ZNF695: variants seen among roughly 807,000 people sequenced by gnomAD.
ZNF695 encodes the protein zinc finger protein 695.
Under a neutral mutation model 11.2 loss-of-function variants are expected in ZNF695, and 11 were observed. That is an observed-to-expected ratio of 0.98 (90% CI 0.62 to 1.62). The LOEUF is 1.62. Ranked by LOEUF, ZNF695 falls within the 40% of genes most tolerant of loss-of-function variation. The pLI is 0.00. For missense variants in ZNF695, 559 were observed against 590.5 expected (o/e 0.95, Z 0.55); for synonymous variants, 190 against 201.4 (o/e 0.94, Z 0.48).
chr1:247,007,368 C>T (rs1004008581), intron 1 of ZNF695, among the ~76,000 whole-genome samples: 36 of 151,716 alleles, frequency 2.4e-4, no homozygotes, highest in Non-Finnish European at 2.7e-4. Context: ...TGGTGGTGGG[C>T]GCCTGTAATT....
chr1:246,965,822 T>G (rs1215661391), intron 5 of ZNF695, among the ~76,000 whole-genome samples: 4 of 152,086 alleles, frequency 2.6e-5, no homozygotes, highest in Non-Finnish European at 5.9e-5. Context: ...AGGAGCAGCC[T>G]CTCAACCTTG....
intron 1 of ZNF695, among the ~76,000 whole-genome samples, chr1:247,000,971 T>C (rs568996332): frequency 2.5e-4 from 38 of 152,244 alleles, no homozygotes; most frequent in African/African-American, 8.9e-4. Flanking sequence ...GGCATGAGAA[T>C]TGCTTGAGCC....
intron 3 of ZNF695, among the ~76,000 whole-genome samples, chr1:246,991,382 G>A (rs564062085): frequency 1.2e-4 from 18 of 152,082 alleles, no homozygotes; most frequent in Non-Finnish European, 2.6e-4. Flanking sequence ...CATTTGACAA[G>A]AGATTAACAA....
At chr1:246,966,859 G>C (rs1314871979) in intron 5 of ZNF695, 1 of 456,636 alleles carries the variant, frequency 2.2e-6, no homozygotes, top group Non-Finnish European at 4.4e-6. Flanking sequence ...CTCTAAGTGA[G>C]ATAGTGAGAT....
intron 5 of ZNF695, among the ~76,000 whole-genome samples, chr1:246,959,965 AT>A (rs1238690719): frequency 6.6e-6 from 1 of 152,190 alleles, no homozygotes; most frequent in Admixed American, 6.5e-5. Context: ...ATGGTTATGT[AT>A]TTTGGTAAGC....
In ZNF695 at chr1:246,987,166, T is replaced by G; in HGVS notation, c.1349A>C (p.Tyr450Ser). 1 of 1,613,878 alleles carries G rather than the reference T, an allele frequency of 6.2e-7. No homozygotes were observed. The highest frequency in any genetic ancestry group is 8.5e-7 in the Non-Finnish European group (1 of 1,179,930). The change falls in exon 4 of 4, where the codon TAT becomes TCT. Residue 450 changes from tyrosine to serine, a missense_variant. Physicochemically the swap from Tyr to Ser is moderately radical, Grantham distance 144. Transcript: ENST00000339986. The part of the protein sequence containing the change: ...ECGKAFNWFS[Y>S]LTNHKRIHTG... ...ATGAATTCTCTTATGATTAGTAAGA[T>G]ATGAAAACCAGTTAAAAGCTTTGCC...
intron 5 of ZNF695, among the ~76,000 whole-genome samples, chr1:246,964,954 T>G (rs1275150441): frequency 6.6e-6 from 1 of 152,086 alleles, no homozygotes; most frequent in Non-Finnish European, 1.5e-5. Context: ...TGGGGGAACT[T>G]TATGGGGTGA....
chr1:246,985,465 T>C lies in ZNF695; in HGVS notation c.*1502A>G. 4.1e-6 allele frequency: 4 copies of C among 985,344 alleles called. 1 individual carries two copies. The Middle Eastern group carries it at 1.6e-3, about 386-fold the overall frequency. The allele number at this position is 985,344 out of a possible 1,614,324, so 61.0% of individuals were successfully genotyped here. Reference sequence around the variant, plus strand: ...AGTTTAATGCCACTGGGAGAAGGGATCATTAGAGATACTATTCCACCATGT... The same window carrying C: ...AGTTTAATGCCACTGGGAGAAGGGACCATTAGAGATACTATTCCACCATGT... On this transcript the variant is annotated 3_prime_UTR_variant, in exon 4 of 4. Transcript: ENST00000339986.
chr1:246,975,939 CTT>C (rs1362756729), intron 4 of ZNF695, among the ~76,000 whole-genome samples: 1 of 152,080 alleles, frequency 6.6e-6, no homozygotes, highest in Non-Finnish European at 1.5e-5. Context: ...AAGAGAATAA[CTT>C]ATTCTATTAG....
At chr1:246,995,813 C>CA (rs60375785) in intron 3 of ZNF695, among the ~76,000 whole-genome samples, 2,207 of 66,480 alleles carry the variant, frequency 0.033, 85 homozygotes, top group Non-Finnish European at 0.039. Context: ...GACTCTGTCT[C>CA]AAAAAAAAAA....
chr1:246,964,153 G>C (rs1291644556), intron 5 of ZNF695, among the ~76,000 whole-genome samples: 1 of 152,132 alleles, frequency 6.6e-6, no homozygotes, highest in Non-Finnish European at 1.5e-5. Flanking sequence ...ACCTCCGCGT[G>C]TTCAGCAGCC....
intron 5 of ZNF695, among the ~76,000 whole-genome samples, chr1:246,965,547 G>C (rs930963429): frequency 4.0e-5 from 6 of 151,896 alleles, no homozygotes; most frequent in African/African-American, 1.5e-4. Context: ...GACCAGCCTG[G>C]CCAACACGGC....
chr1:246,956,650 G>A (rs766560694), intron 5 of ZNF695, among the ~76,000 whole-genome samples: 1 of 152,032 alleles, frequency 6.6e-6, no homozygotes, highest in African/African-American at 2.4e-5. Flanking sequence ...ATAATTGGGG[G>A]TATGTTAATA....
At position 246,987,671 on chromosome 1, in the gene ZNF695, C is replaced by T. The variant is rs2103023156; in HGVS notation, c.844G>A (p.Val282Ile). 6.3e-7 allele frequency: 1 copy of T among 1,597,196 alleles called. No individual in the cohort carries two copies. The highest frequency in any genetic ancestry group is 8.5e-7 in the Non-Finnish European group (1 of 1,173,950). The change falls in exon 4 of 4, where the codon GTT (valine) becomes ATT (isoleucine). Residue 282 changes from valine (V) to isoleucine (I), a missense_variant. Physicochemically the swap from Val to Ile is conservative, Grantham distance 29. Transcript: ENST00000339986. ...ECGKAFNLCS[V>I]LTKHKKIHTG... ...TGAATTTTCTTATGTTTAGTAAGAA[C>T]TGAGCACAGGTTAAAAGCTTTGCCA...
chr1:246,983,073 G>A (rs1347520615), downstream of ZNF695, among the ~76,000 whole-genome samples: 5 of 151,902 alleles, frequency 3.3e-5, no homozygotes, highest in South Asian at 4.2e-4. Context: ...GTGTGGTGGC[G>A]GGCGCCTGCA....
intron 5 of ZNF695, among the ~76,000 whole-genome samples, chr1:246,958,880 G>C (rs749231666): frequency 1.3e-5 from 2 of 152,132 alleles, no homozygotes; most frequent in East Asian, 3.9e-4. Context: ...TTAAGAAAGC[G>C]AGTGCCACTC....
chr1:246,979,728 T>C lies in ZNF695; in HGVS notation c.390+8397A>G, dbSNP rs373115237. 8.9e-3 allele frequency: 362 copies of C among 40,722 alleles called. 1 individual carries two copies. The highest frequency in any genetic ancestry group is 0.019 in the Middle Eastern group (1 of 54). The allele number at this position is 40,722 out of a possible 1,614,324, so 2.5% of individuals were successfully genotyped here. On this transcript the variant is annotated intron_variant, in intron 4 of 5. Transcript: ENST00000487338. ...GTTTCACATAATTTGCTCATAATTG[T>C]TAGTTTAGAGTATTCTTTAAAATGA...
intron 5 of ZNF695, chr1:246,966,877 T>G (rs548479331): frequency 1.8e-5 from 8 of 456,602 alleles, no homozygotes; most frequent in African/African-American, 1.6e-4. Context: ...GATGAGGAGT[T>G]ATTGGAGGGT....
chr1:246,997,371 C>T (rs1669243003), intron 3 of ZNF695, among the ~76,000 whole-genome samples: 2 of 152,104 alleles, frequency 1.3e-5, no homozygotes, highest in Middle Eastern at 3.4e-3. Flanking sequence ...GATGTGGTGG[C>T]GGGCACCTGT....
Sources: allele counts gnomAD v4.1 joint callset (sites outside exome capture counted in the v4.1 genomes callset), GRCh38; gene constraint gnomAD v4.1.1; transcripts MANE v1.5; gene names NCBI Gene and HGNC (gene_info 2026-07-23, HGNC 2026-07-21).